Variants in ITGA1 observed in about 807,000 individuals in gnomAD.
The protein encoded by ITGA1 is integrin subunit alpha 1.
Under a neutral mutation model 145.9 loss-of-function variants are expected in ITGA1, and 85 were observed. The observed-to-expected ratio is 0.58, with a 90% CI of 0.49 to 0.70. The LOEUF (loss-of-function observed/expected upper bound fraction) is 0.70. Among genes scored for constraint, ITGA1 ranks in the 30% least tolerant of loss-of-function variants. The pLI, the probability that ITGA1 is intolerant of heterozygous loss-of-function variation, is 0.00. For synonymous variants in ITGA1, 520 were observed against 495.3 expected (o/e 1.05, Z -0.66); for missense variants, 1,351 against 1,418.7 (o/e 0.95, Z 0.77).
chr5:52,807,321 A>G (rs1187914171), intron 1 of ITGA1, among the ~76,000 whole-genome samples: 1 of 148,904 alleles, frequency 6.7e-6, no homozygotes, highest in Non-Finnish European at 1.5e-5. Context: ...CTGTGTGCTT[A>G]TTAAGTGTCA....
chr5:52,801,664 C>T, intron 1 of ITGA1: 4 of 1,614,060 alleles, frequency 2.5e-6, no homozygotes, highest in Non-Finnish European at 3.4e-6. Context: ...CACACGGAGC[C>T]GGTATGTGAG....
intron 1 of ITGA1, among the ~76,000 whole-genome samples, chr5:52,811,015 G>A (rs185312868): frequency 4.6e-5 from 7 of 152,254 alleles, no homozygotes; most frequent in African/African-American, 9.6e-5. Flanking sequence ...ATAAAGTAGC[G>A]CAACCAGCTT....
chr5:52,845,590 A>G (rs1275897322), intron 1 of ITGA1, among the ~76,000 whole-genome samples: 1 of 152,160 alleles, frequency 6.6e-6, no homozygotes, highest in Non-Finnish European at 1.5e-5. Flanking sequence ...TCATCTGTTC[A>G]AGAGTGGTTT....
At chr5:52,908,263 A>G (rs1480949886) in intron 12 of ITGA1, among the ~76,000 whole-genome samples, 1 of 152,220 alleles carries the variant, frequency 6.6e-6, no homozygotes, top group Non-Finnish European at 1.5e-5. Context: ...ATAGAATAAT[A>G]TTTGAAAAAA....
At chr5:52,920,220 T>C in intron 16 of ITGA1, 112 bp from the exon 17 acceptor site, 1 of 798,136 alleles carries the variant, frequency 1.3e-6, no homozygotes, top group Non-Finnish European at 1.9e-6. Context: ...ATAGAATCTT[T>C]TTTGATTGAT....
In ITGA1 at chr5:52,879,090, A is replaced by G. The variant is rs144355869; in HGVS notation, c.625-2783A>G. ...ATTTGAAATTGGGATTGACCTGCTGACAAGGTCTTCCAAATGACAAGGTCA... is the reference window on the plus strand; with the variant it reads ...ATTTGAAATTGGGATTGACCTGCTGGCAAGGTCTTCCAAATGACAAGGTCA... On this transcript the variant is annotated intron_variant, in intron 6 of 28. Coordinates refer to ENST00000282588, the MANE Select transcript of ITGA1 (RefSeq NM_181501.2). Among the ~76,000 whole-genome samples the G allele has an allele frequency of 2.6e-4, 39 of 152,250 alleles. No individual in the cohort carries two copies. The East Asian group carries it at 7.3e-3, about 29-fold the overall frequency.
intron 1 of ITGA1, chr5:52,803,413 C>T (rs1488543612): frequency 6.6e-6 from 1 of 151,846 alleles, no homozygotes; most frequent in East Asian, 1.9e-4. Flanking sequence ...AAAGTTGAAA[C>T]CTGATTGTTA....
chr5:52,878,978 A>C (rs1485866718), intron 6 of ITGA1, among the ~76,000 whole-genome samples: 1 of 147,952 alleles, frequency 6.8e-6, no homozygotes, highest in Admixed American at 6.8e-5. Flanking sequence ...AAAAAAAAAA[A>C]TGGCAGTATT....
intron 7 of ITGA1, among the ~76,000 whole-genome samples, chr5:52,885,685 G>C (rs1430427019): frequency 1.3e-5 from 2 of 152,244 alleles, no homozygotes; most frequent in Non-Finnish European, 1.5e-5. Flanking sequence ...CATTTTAGCA[G>C]TGTGAGCAAT....
At chr5:52,816,814 C>T (rs564893782) in intron 1 of ITGA1, among the ~76,000 whole-genome samples, 2 of 152,260 alleles carry the variant, frequency 1.3e-5, no homozygotes, top group East Asian at 3.9e-4. Context: ...TGAGTATATT[C>T]CCCTCCAGGC....
intron 6 of ITGA1, among the ~76,000 whole-genome samples, chr5:52,876,717 C>T (rs1357629922): frequency 6.6e-6 from 1 of 152,286 alleles, no homozygotes; most frequent in Admixed American, 6.5e-5. Context: ...ATAGTCCATA[C>T]TCTTTACCCC....
At chr5:52,855,854 G>C (rs7726629) in intron 2 of ITGA1, among the ~76,000 whole-genome samples, 323 of 152,264 alleles carry the variant, frequency 2.1e-3, no homozygotes, top group African/African-American at 7.2e-3. Flanking sequence ...AAAGAAAACA[G>C]ATACTAGGAA....
Position 52,911,532 on chromosome 5 carries a change from T to C in ITGA1, c.1857+1113T>C, listed in dbSNP as rs1750531867. ...ACTATATATAGTATATATATCTATA[T>C]ATTAGATACATATACTATATATAGT... On this transcript the variant is annotated intron_variant, in intron 14 of 28. Coordinates refer to ENST00000282588, the MANE Select transcript of ITGA1 (RefSeq NM_181501.2). 1.6e-5 allele frequency among the ~76,000 whole-genome samples: 2 copies of C among 121,588 alleles called. 1 individual carries two copies. Among genetic ancestry groups the C allele is most frequent in the Non-Finnish European group, 3.3e-5 (2 of 60,154 alleles). 79.8% of individuals were successfully genotyped at this position (121,588 alleles called of 152,430 possible). A position where few individuals can be genotyped will look rare whatever the true frequency, so the allele number is the denominator to read the frequency against.
chr5:52,818,659 G>T (rs116826728), intron 1 of ITGA1, among the ~76,000 whole-genome samples: 1,919 of 152,284 alleles, frequency 0.013, 35 homozygotes, highest in African/African-American at 0.044. Context: ...GACCATTAGA[G>T]AATTTAAATC....
Position 52,953,090 on chromosome 5 carries a change from A to G in ITGA1, c.*639A>G, listed in dbSNP as rs982929885. 4.6e-5 allele frequency: 7 copies of G among 152,268 alleles called. No homozygotes were observed. Among genetic ancestry groups the G allele is most frequent in the African/African-American group, 1.4e-4 (6 of 41,550 alleles). 9.4% of individuals were successfully genotyped at this position (152,268 alleles called of 1,614,324 possible). A position where few individuals can be genotyped will look rare whatever the true frequency, so the allele number is the denominator to read the frequency against. ...CTGCAATTGAGCTAAAATTTTATCT[A>G]GGATGGAAAATCAGGATAGACTCGT... On this transcript the variant is annotated 3_prime_UTR_variant, in exon 29 of 29. Coordinates refer to ENST00000282588, the MANE Select transcript of ITGA1 (RefSeq NM_181501.2).
chr5:52,801,244 G>C (rs1258208342), intron 1 of ITGA1: 13 of 1,177,220 alleles, frequency 1.1e-5, no homozygotes, highest in Non-Finnish European at 1.6e-5. Context: ...ATTTTCATGA[G>C]ATAATGAAAT....
chr5:52,931,938 AC>A, intron 21 of ITGA1, 108 bp from the exon 22 acceptor site: 1 of 644,846 alleles, frequency 1.6e-6, no homozygotes, highest in Non-Finnish European at 2.7e-6. Flanking sequence ...TTATACTCTT[AC>A]ATGCTTTTAT....
intron 26 of ITGA1, among the ~76,000 whole-genome samples, chr5:52,943,474 G>A (rs1299101273): frequency 6.6e-6 from 1 of 152,124 alleles, no homozygotes; most frequent in African/African-American, 2.4e-5. Flanking sequence ...TCCAGTAGAG[G>A]GCAATTAAGG....
rs749261166 is a variant in ITGA1 at position 52,949,764 on chromosome 5, C to G, written c.3495+2303C>G. 4.6e-5 allele frequency among the ~76,000 whole-genome samples: 7 copies of G among 152,294 alleles called. No individual in the cohort carries two copies. The South Asian group carries it at 8.3e-4, about 18-fold the overall frequency. ...GTTCCATTATATCAAGAAGGCTAAT[C>G]CCACTTCCCCCTACTTTAAAGTTCT... is the stretch of plus-strand genomic sequence containing the variant. On this transcript the variant is annotated intron_variant, in intron 28 of 28. Transcript: ENST00000282588.
Sources: gnomAD v4.1 joint callset for allele counts (sites outside exome capture counted in the v4.1 genomes callset) on GRCh38, gnomAD v4.1.1 for gene constraint, MANE v1.5 for transcripts, NCBI Gene and HGNC (gene_info 2026-07-23, HGNC 2026-07-21) for gene names.